The following SET variants were observed in gnomAD, a reference collection of about 807,000 sequenced individuals.
The protein encoded by SET is protein SET.
SET carries 4 observed loss-of-function variants against 39.0 expected under a neutral mutation model. The observed-to-expected ratio is 0.10, with a 90% CI of 0.05 to 0.23. SET has a LOEUF of 0.23. Among genes scored for constraint, SET ranks in the 10% least tolerant of loss-of-function variants. SET has a pLI of 1.00. For missense variants in SET, 137 were observed against 329.7 expected (o/e 0.42, Z 4.53); for synonymous variants, 114 against 115.9 (o/e 0.98, Z 0.11).
chr9:128,689,725 C>A, intron 1 of SET, 70 bp downstream of exon 1: 1 of 289,632 alleles, frequency 3.5e-6, no homozygotes, highest in Non-Finnish European at 5.1e-6. Flanking sequence ...CGCAGGCCGC[C>A]GGCGGGGCCC....
In SET at chr9:128,692,545, T is replaced by G; in HGVS notation, c.275-117T>G. 4.4e-6 allele frequency: 3 copies of G among 677,828 alleles called. No homozygotes were observed. The East Asian group carries it at 8.1e-5, about 18-fold the overall frequency. 42.0% of individuals were successfully genotyped at this position (677,828 alleles called of 1,614,324 possible). Reference sequence around the variant, plus strand: ...TTGAGCAATTGCCTTTAGTTAATAATGGGTTTATAAAACCAAAGATGCTCA... The same window carrying G: ...TTGAGCAATTGCCTTTAGTTAATAAGGGGTTTATAAAACCAAAGATGCTCA... On this transcript the variant is annotated intron_variant, in intron 3 of 7. Coordinates refer to ENST00000322030, the MANE Select transcript of SET (RefSeq NM_003011.4).
Position 128,689,340 on chromosome 9 carries a change from C to T in SET, c.-243C>T, listed in dbSNP as rs1861409266. The stretch of plus-strand genomic sequence containing the variant: ...GCCCGCCGCCGCCGCCTCCGCCTCC[C>T]CTCCGCGAACAGGAGCCCGGGCCGG... On this transcript the variant is annotated 5_prime_UTR_variant, in exon 1 of 8. Transcript: ENST00000322030. 4.3e-5 allele frequency: 45 copies of T among 1,048,280 alleles called. No homozygotes were observed. The highest frequency in any genetic ancestry group is 5.1e-5 in the Non-Finnish European group (44 of 869,022). The allele number at this position is 1,048,280 out of a possible 1,614,324, so 64.9% of individuals were successfully genotyped here. A position where few individuals can be genotyped will look rare whatever the true frequency, so the allele number is the denominator to read the frequency against.
chr9:128,689,259 G>A lies in SET; in HGVS notation c.-324G>A, dbSNP rs988689146. The stretch of plus-strand genomic sequence containing the variant: ...GAGGAGGTGGAGGAGGAGGCGGCTC[G>A]GGAGAGCGAGCAGCGAGCTGGCTGG... On this transcript the variant is annotated 5_prime_UTR_variant, in exon 1 of 8. Transcript: ENST00000322030. The A allele has an allele frequency of 7.0e-6, 7 of 1,005,962 alleles. No homozygotes were observed. The highest frequency in any genetic ancestry group is 8.3e-6 in the Non-Finnish European group (7 of 842,718). 62.3% of individuals were successfully genotyped at this position (1,005,962 alleles called of 1,614,324 possible). A position where few individuals can be genotyped will look rare whatever the true frequency, so the allele number is the denominator to read the frequency against.
chr9:128,691,758 G>A, intron 2 of SET, 100 bp from the exon 3 acceptor site: 3 of 1,174,170 alleles, frequency 2.6e-6, no homozygotes, highest in Non-Finnish European at 3.5e-6. Context: ...TGGTTATTTT[G>A]CATGACTCAA....
chr9:128,693,481 C>T (rs10739728), intron 5 of SET, among the ~76,000 whole-genome samples, 157 bp from the exon 6 acceptor site: 149,075 of 152,330 alleles, frequency 0.98, 72,999 homozygotes, highest in Middle Eastern at 1. Flanking sequence ...CTACCTGCTG[C>T]ACAGTTTTAT....
At chr9:128,690,133 G>C (rs1345094840) in intron 1 of SET, 1 of 222,418 alleles carries the variant, frequency 4.5e-6, no homozygotes, top group East Asian at 1.8e-4. Context: ...CCCCGGCGGG[G>C]CTTCTGCCTG....
chr9:128,690,017 C>G, intron 1 of SET: 4 of 1,049,258 alleles, frequency 3.8e-6, no homozygotes, highest in Non-Finnish European at 4.6e-6. Context: ...GCCGCCGCCG[C>G]CGCCACATGG....
chr9:128,688,405 T>A (rs1048138641), upstream of SET, among the ~76,000 whole-genome samples: 1 of 152,190 alleles, frequency 6.6e-6, no homozygotes, highest in Non-Finnish European at 1.5e-5. Flanking sequence ...TTCATCTCTA[T>A]GAACAGAACA....
chr9:128,685,342 T>C, upstream of SET: 1 of 732,972 alleles, frequency 1.4e-6, no homozygotes, highest in South Asian at 1.7e-5. Flanking sequence ...ACATCATCAG[T>C]GCTCTAGAGT....
chr9:128,691,061 C>T (rs928901591), intron 1 of SET, 109 bp from the exon 2 acceptor site: 1 of 829,420 alleles, frequency 1.2e-6, no homozygotes, highest in Non-Finnish European at 2.1e-6. Flanking sequence ...TGCCTTTGTA[C>T]TAGGCGTTTT....
chr9:128,691,629 A>G (rs960234147), intron 2 of SET, among the ~76,000 whole-genome samples: 2 of 152,218 alleles, frequency 1.3e-5, no homozygotes, highest in African/African-American at 4.8e-5. Flanking sequence ...ACACGTTACC[A>G]GAGTGTTGAG....
chr9:128,689,550 T>G lies in SET; in HGVS notation c.-33T>G. The G allele has an allele frequency of 7.4e-6, 7 of 951,904 alleles. No individual in the cohort carries two copies. The highest frequency in any genetic ancestry group is 7.0e-6 in the Non-Finnish European group (5 of 715,100). The allele number at this position is 951,904 out of a possible 1,614,324, so 59.0% of individuals were successfully genotyped here. ...CCCTTCGCCTTCCCTTCTCTCCCCC[T>G]CCCCGCTCCCCCCCCGACCGCGGAG... On this transcript the variant is annotated 5_prime_UTR_variant, in exon 1 of 8. Transcript: ENST00000322030.
intron 3 of SET, 29 bp from the exon 4 acceptor site, chr9:128,692,633 T>C: frequency 6.8e-7 from 1 of 1,468,714 alleles, no homozygotes; most frequent in Non-Finnish European, 9.5e-7. Flanking sequence ...CTGTTGAAAA[T>C]TCAGCTGACC....
At chr9:128,693,442 T>C (rs895519527) in intron 5 of SET, among the ~76,000 whole-genome samples, 196 bp from the exon 6 acceptor site, 3 of 152,234 alleles carry the variant, frequency 2.0e-5, no homozygotes, top group Admixed American at 1.3e-4. Flanking sequence ...ACTAATTTTA[T>C]GGAAAACCAA....
In SET at chr9:128,692,740, T is replaced by A. The variant is rs1861593731; in HGVS notation, c.353T>A (p.Ile118Asn). Reference sequence around the variant, plus strand: ...GTTGAAGTGACAGAATTTGAAGATATTAAATCAGGTTACAGAATAGATTTT... The same window carrying A: ...GTTGAAGTGACAGAATTTGAAGATAATAAATCAGGTTACAGAATAGATTTT... ...TRVEVTEFEDIKSGYRIDFYF... is the reference protein window; with the variant it reads ...TRVEVTEFEDNKSGYRIDFYF... Residue 118 changes from isoleucine to asparagine, a missense_variant, in exon 4 of 8, where the codon ATT becomes AAT. Around this residue, in one of 3 missense-constraint regions of SET, gnomAD observed 59 missense variants for 237.2 expected, o/e 0.25. Transcript: ENST00000322030. The A allele has an allele frequency of 6.2e-7, 1 of 1,607,550 alleles. No homozygotes were observed.
chr9:128,691,933 G>T lies in SET; in HGVS notation c.207G>T (p.Gln69His). The change falls in exon 3 of 8, where the codon CAG (glutamine) becomes CAT (histidine). Residue 69 changes from glutamine to histidine, a missense_variant. By Grantham distance (24) the Gln-to-His change is conservative. This residue lies in a region of SET where 59 missense variants were observed against 237.2 expected (regional missense o/e 0.25). Coordinates refer to ENST00000322030, the MANE Select transcript of SET (RefSeq NM_003011.4). ...ACAAACTCCGCCAACCATTTTTTCAGAAGAGGTCAGAATTGATCGCCAAAA... is the reference window on the plus strand; with the variant it reads ...ACAAACTCCGCCAACCATTTTTTCATAAGAGGTCAGAATTGATCGCCAAAA... ...KYNKLRQPFF[Q>H]KRSELIAKIP... 1 of 1,613,720 alleles carries T rather than the reference G, an allele frequency of 6.2e-7. No individual in the cohort carries two copies. The highest frequency in any genetic ancestry group is 8.5e-7 in the Non-Finnish European group (1 of 1,179,806).
chr9:128,687,789 A>C (rs1254050964), upstream of SET, among the ~76,000 whole-genome samples: 1 of 152,090 alleles, frequency 6.6e-6, no homozygotes, highest in Non-Finnish European at 1.5e-5. Context: ...CAGTGGCTGC[A>C]TTGGGGCTCA....
exon 1 of SET, chr9:128,683,752 C>T (rs1861192957): frequency 3.2e-6 from 2 of 630,014 alleles, no homozygotes; most frequent in Non-Finnish European, 5.3e-6. Context: ...GGGTGTGTGT[C>T]CCACTGTCAT....
chr9:128,684,422 C>CCACA (rs1191363191), upstream of SET, among the ~76,000 whole-genome samples: 1 of 152,118 alleles, frequency 6.6e-6, no homozygotes, highest in Admixed American at 6.6e-5. Context: ...CGACGGCGGC[C>CCACA]CACAACTCTG....
Sources: allele counts gnomAD v4.1 joint callset (sites outside exome capture counted in the v4.1 genomes callset), GRCh38; gene constraint gnomAD v4.1.1; regional missense constraint gnomAD v4.1.1; transcripts MANE v1.5; gene names NCBI Gene and HGNC (gene_info 2026-07-23, HGNC 2026-07-21).